Variants in FOXN3 observed in about 807,000 individuals in gnomAD.
FOXN3 encodes the protein forkhead box protein N3.
Under a neutral mutation model 38.4 loss-of-function variants are expected in FOXN3, and 7 were observed. That is an observed-to-expected ratio of 0.18 (90% CI 0.10 to 0.34). FOXN3 has a LOEUF of 0.34. Among genes scored for constraint, FOXN3 ranks in the 10% least tolerant of loss-of-function variants. The probability of loss-of-function intolerance (pLI) is 1.00; values close to 1 mark genes in which losing one functional copy is unlikely to be tolerated. For missense variants in FOXN3, 456 were observed against 613.4 expected (o/e 0.74, Z 2.71); for synonymous variants, 230 against 242.2 (o/e 0.95, Z 0.47).
intron 2 of FOXN3, among the ~76,000 whole-genome samples, chr14:89,358,894 G>A (rs1032458640): frequency 6.6e-6 from 1 of 152,192 alleles, no homozygotes; most frequent in Non-Finnish European, 1.5e-5. Context: ...ACTGCTCTGA[G>A]CTTCAAATTT....
chr14:89,364,947 G>T (rs61984667), intron 2 of FOXN3, among the ~76,000 whole-genome samples: 1,835 of 152,306 alleles, frequency 0.012, 23 homozygotes, highest in Non-Finnish European at 0.019. Context: ...GTGTTTGAAT[G>T]GACGCAGGAA....
At chr14:89,597,016 T>A (rs1344283955) in intron 1 of FOXN3, among the ~76,000 whole-genome samples, 3 of 152,082 alleles carry the variant, frequency 2.0e-5, no homozygotes, top group African/African-American at 4.8e-5. Context: ...GTAAAAAAAA[T>A]TTAGTTGTTC....
At chr14:89,449,203 A>G (rs765073292) in intron 1 of FOXN3, among the ~76,000 whole-genome samples, 2 of 152,216 alleles carry the variant, frequency 1.3e-5, no homozygotes, top group African/African-American at 2.4e-5. Context: ...CTGATTGAAC[A>G]CAGCTCTTCT....
At chr14:89,287,800 C>A (rs1319371375) in intron 3 of FOXN3, among the ~76,000 whole-genome samples, 1 of 150,276 alleles carries the variant, frequency 6.7e-6, no homozygotes, top group Non-Finnish European at 1.5e-5. Context: ...CCTGTAACCT[C>A]AGCACTTTGG....
intron 4 of FOXN3, among the ~76,000 whole-genome samples, chr14:89,245,890 C>T (rs908163300): frequency 1.3e-5 from 2 of 152,098 alleles, no homozygotes; most frequent in Non-Finnish European, 2.9e-5. Context: ...GACCCCAACC[C>T]GCAGCCCTGT....
chr14:89,385,883 G>A (rs1240070358), intron 2 of FOXN3, among the ~76,000 whole-genome samples: 1 of 152,254 alleles, frequency 6.6e-6, no homozygotes, highest in Admixed American at 6.5e-5. Context: ...AAAAGCAAAA[G>A]AGGAGAACAA....
chr14:89,305,416 C>G (rs1212387125), intron 3 of FOXN3, among the ~76,000 whole-genome samples: 1 of 152,172 alleles, frequency 6.6e-6, no homozygotes, highest in Non-Finnish European at 1.5e-5. Context: ...GACCCAAGTA[C>G]GAAGTGAGCA....
intron 4 of FOXN3, among the ~76,000 whole-genome samples, chr14:89,261,519 G>GT (rs2139892322): frequency 6.6e-6 from 1 of 152,230 alleles, no homozygotes; most frequent in South Asian, 2.1e-4. Context: ...GAGGGCCGGC[G>GT]GCAGTGACTC....
At chr14:89,418,806 C>T (rs1237515591), upstream of FOXN3, among the ~76,000 whole-genome samples, 23 of 152,156 alleles carry the variant, frequency 1.5e-4, no homozygotes, top group Admixed American at 1.2e-3. Context: ...TCCATCAGCG[C>T]GTCAGTTGAG....
At chr14:89,499,816 A>G (rs532835032) in intron 1 of FOXN3, among the ~76,000 whole-genome samples, 1 of 152,006 alleles carries the variant, frequency 6.6e-6, no homozygotes. Flanking sequence ...TTCTTGTCCT[A>G]TGATTGTACA....
In FOXN3 at chr14:89,227,371, C is replaced by T. The variant is rs1025447360; in HGVS notation, c.746-46565G>A. Among the ~76,000 whole-genome samples the T allele has an allele frequency of 5.3e-5, 8 of 152,350 alleles. No individual in the cohort carries two copies. In the East Asian group the frequency reaches 1.5e-3, roughly 29 times the overall value. On this transcript the variant is annotated intron_variant, in intron 4 of 5. Transcript: ENST00000557258. ...CTCCTTCCCAACAGCTTGGAATAAGCTCTTTGCTCTCATTTAATTCTTCAT... is the reference window on the plus strand; with the variant it reads ...CTCCTTCCCAACAGCTTGGAATAAGTTCTTTGCTCTCATTTAATTCTTCAT...
At chr14:89,265,821 G>A (rs1885962272) in intron 4 of FOXN3, among the ~76,000 whole-genome samples, 1 of 152,102 alleles carries the variant, frequency 6.6e-6, no homozygotes, top group African/African-American at 2.4e-5. Context: ...GAACTGCCAA[G>A]GTCTCGGGGC....
intron 1 of FOXN3, among the ~76,000 whole-genome samples, chr14:89,431,746 C>T (rs1350754495): frequency 6.6e-6 from 1 of 152,128 alleles, no homozygotes; most frequent in Non-Finnish European, 1.5e-5. Context: ...AAGAATTTCA[C>T]TCCTGTTGCC....
At chr14:89,317,634 T>G (rs1375284071) in intron 3 of FOXN3, among the ~76,000 whole-genome samples, 1 of 152,158 alleles carries the variant, frequency 6.6e-6, no homozygotes, top group African/African-American at 2.4e-5. Flanking sequence ...CTCCTCTTTC[T>G]CTGTGGGATC....
intron 1 of FOXN3, among the ~76,000 whole-genome samples, chr14:89,522,135 G>GA (rs139228934): frequency 0.022 from 3,273 of 146,182 alleles, 52 homozygotes; most frequent in South Asian, 0.068. Context: ...GCTCTGAAAG[G>GA]AAAAAAAAAA....
At chr14:89,218,313 T>C (rs1187112537) in intron 4 of FOXN3, among the ~76,000 whole-genome samples, 1 of 152,226 alleles carries the variant, frequency 6.6e-6, no homozygotes, top group African/African-American at 2.4e-5. Context: ...TGATTTTTAA[T>C]TAATCACAAG....
At chr14:89,279,955 G>A (rs138630458) in intron 4 of FOXN3, among the ~76,000 whole-genome samples, 3 of 152,204 alleles carry the variant, frequency 2.0e-5, no homozygotes, top group East Asian at 1.9e-4. Context: ...ACACAGGGCC[G>A]GCCCTCAGCC....
chr14:89,320,110 T>C (rs1426301681), intron 3 of FOXN3, among the ~76,000 whole-genome samples: 1 of 152,158 alleles, frequency 6.6e-6, no homozygotes, highest in Non-Finnish European at 1.5e-5. Flanking sequence ...AAGGGGAAGA[T>C]AGAGGTTACA....
intron 4 of FOXN3, among the ~76,000 whole-genome samples, chr14:89,274,534 G>C (rs1034204600): frequency 6.6e-6 from 1 of 152,086 alleles, no homozygotes; most frequent in African/African-American, 2.4e-5. Context: ...TGTAAAACGG[G>C]GTTGTGAGAA....
Sources: allele counts gnomAD v4.1 joint callset (sites outside exome capture counted in the v4.1 genomes callset), GRCh38; gene constraint gnomAD v4.1.1; transcripts MANE v1.5; gene names NCBI Gene and HGNC (gene_info 2026-07-23, HGNC 2026-07-21).